The following RASSF5 variants were observed in gnomAD, a reference collection of about 807,000 sequenced individuals.
The protein encoded by RASSF5 is ras association domain-containing protein 5.
RASSF5 carries 25 observed loss-of-function variants against 40.5 expected under a neutral mutation model. That is an observed-to-expected ratio of 0.62 (90% CI 0.45 to 0.86). The LOEUF is 0.86. Ranked by LOEUF, RASSF5 falls within the 40% of genes least tolerant of loss-of-function variation. RASSF5 has a pLI of 0.00. For missense variants in RASSF5, 521 were observed against 572.8 expected (o/e 0.91, Z 0.92); for synonymous variants, 246 against 252.4 (o/e 0.97, Z 0.24).
At chr1:206,534,612 C>T (rs528157798) in intron 1 of RASSF5, among the ~76,000 whole-genome samples, 1 of 152,300 alleles carries the variant, frequency 6.6e-6, no homozygotes, top group Non-Finnish European at 1.5e-5. Context: ...CCCTCCCTGC[C>T]TGTTCTGGCT....
intron 2 of RASSF5, among the ~76,000 whole-genome samples, chr1:206,564,629 C>T (rs1468978344): frequency 6.6e-6 from 1 of 152,180 alleles, no homozygotes; most frequent in Non-Finnish European, 1.5e-5. Flanking sequence ...CTCTTCTGCT[C>T]TTCACTTACC....
chr1:206,529,072 A>G (rs981484954), intron 1 of RASSF5: 17 of 1,047,872 alleles, frequency 1.6e-5, no homozygotes, highest in Non-Finnish European at 1.8e-5. Flanking sequence ...TGCTTTGTGA[A>G]ATGGCCCTGC....
In RASSF5 at chr1:206,540,292, C is replaced by T. The variant is rs538877847; in HGVS notation, c.579+1999C>T. 2.6e-5 allele frequency among the ~76,000 whole-genome samples: 4 copies of T among 152,344 alleles called. No individual in the cohort carries two copies. In the East Asian group the frequency reaches 7.7e-4, roughly 29 times the overall value. ...GGGAAGGCCTGGAGTTGGCTGGATT[C>T]GTTGTCTCATCCTCCAAATGTCAGC... On this transcript the variant is annotated intron_variant, in intron 2 of 5. Transcript: ENST00000579436.
intron 2 of RASSF5, among the ~76,000 whole-genome samples, chr1:206,572,220 G>T (rs1553404322): frequency 6.6e-6 from 1 of 152,200 alleles, no homozygotes; most frequent in African/African-American, 2.4e-5. Context: ...TTCAACGCAT[G>T]AAGCCAATGT....
chr1:206,549,295 T>C (rs548126321), intron 2 of RASSF5, among the ~76,000 whole-genome samples: 2 of 152,294 alleles, frequency 1.3e-5, no homozygotes, highest in Non-Finnish European at 1.5e-5. Flanking sequence ...ATTTCAACTC[T>C]AGTGGTTTGA....
chr1:206,566,852 C>A (rs1452657508), intron 2 of RASSF5, among the ~76,000 whole-genome samples: 1 of 152,172 alleles, frequency 6.6e-6, no homozygotes, highest in Non-Finnish European at 1.5e-5. Context: ...GGACCAGGGA[C>A]CATAGCTTGT....
intron 1 of RASSF5, among the ~76,000 whole-genome samples, chr1:206,522,009 A>G (rs1558497400): frequency 6.6e-6 from 1 of 152,074 alleles, no homozygotes; most frequent in South Asian, 2.1e-4. Flanking sequence ...CTTAAACCCA[A>G]CTGCCTACAG....
chr1:206,529,436 G>C, intron 1 of RASSF5: 2 of 872,538 alleles, frequency 2.3e-6, no homozygotes, highest in Non-Finnish European at 3.8e-6. Context: ...GTCATAAAAT[G>C]GGGGTCCCTT....
Position 206,584,790 on chromosome 1 carries a change from G to A in RASSF5, c.988+106G>A, listed in dbSNP as rs1212963848. ...TGGGTGGGAGCTGTGGGCTTCTCCT[G>A]AGCACCAGGGGTCCAGCTGCCCATG... On this transcript the variant is annotated intron_variant, in intron 4 of 5. Transcript: ENST00000579436. The surrounding 1 kb of genome is among the most constrained non-coding windows in gnomAD (Gnocchi z 4.9). 1.2e-5 allele frequency: 14 copies of A among 1,216,442 alleles called. No individual in the cohort carries two copies. The highest frequency in any genetic ancestry group is 2.1e-5 in the Admixed American group (1 of 47,570). 75.4% of individuals were successfully genotyped at this position (1,216,442 alleles called of 1,614,324 possible). A position where few individuals can be genotyped will look rare whatever the true frequency, so the allele number is the denominator to read the frequency against.
At chr1:206,520,691 G>A (rs1192256898) in intron 1 of RASSF5, among the ~76,000 whole-genome samples, 1 of 151,864 alleles carries the variant, frequency 6.6e-6, no homozygotes, top group Non-Finnish European at 1.5e-5. Context: ...CTTTCTGGCT[G>A]TGGCTCCTCC....
intron 1 of RASSF5, among the ~76,000 whole-genome samples, chr1:206,512,968 A>G (rs1190899896): frequency 6.6e-6 from 1 of 152,164 alleles, no homozygotes; most frequent in Non-Finnish European, 1.5e-5. Flanking sequence ...AAAGGGAATT[A>G]CCTGGCCAGG....
At chr1:206,545,870 G>GT (rs1207071768) in intron 2 of RASSF5, among the ~76,000 whole-genome samples, 9 of 143,736 alleles carry the variant, frequency 6.3e-5, no homozygotes, top group South Asian at 2.2e-4. Flanking sequence ...GTTGGATCTT[G>GT]TTTTTTTTTA....
chr1:206,511,974 G>A (rs1393817450), intron 1 of RASSF5, among the ~76,000 whole-genome samples: 1 of 152,194 alleles, frequency 6.6e-6, no homozygotes, highest in African/African-American at 2.4e-5. Flanking sequence ...AGGCCTCTCA[G>A]AAATCATCCT....
intron 2 of RASSF5, among the ~76,000 whole-genome samples, chr1:206,551,331 C>G (rs12058254): frequency 0.035 from 5,402 of 152,270 alleles, 310 homozygotes; most frequent in African/African-American, 0.12. Context: ...ACCAGCCCAC[C>G]TATATCTGCC....
chr1:206,543,008 T>C (rs1667582821), intron 2 of RASSF5: 1 of 152,214 alleles, frequency 6.6e-6, no homozygotes, highest in Non-Finnish European at 1.5e-5. Context: ...GCCCAGGAGT[T>C]TGAGACCAGC....
chr1:206,529,396 T>C (rs1405995091), intron 1 of RASSF5: 8 of 762,906 alleles, frequency 1.0e-5, no homozygotes, highest in Admixed American at 1.9e-5. Flanking sequence ...GTGGATCCCA[T>C]TGAGCTGGTC....
Position 206,587,238 on chromosome 1 carries a change from G to T in RASSF5, c.*260G>T, listed in dbSNP as rs1443960439. The T allele has an allele frequency of 4.6e-6, 2 of 432,478 alleles. No homozygotes were observed. Among genetic ancestry groups the T allele is most frequent in the Non-Finnish European group, 8.6e-6 (2 of 232,844 alleles). 26.8% of individuals were successfully genotyped at this position (432,478 alleles called of 1,614,324 possible). On this transcript the variant is annotated 3_prime_UTR_variant, in exon 6 of 6. Transcript: ENST00000579436. ...AAACAAACAGCTGACGTCCTCTCTC[G>T]ATCTGCAAGCCTTTCACCAACCAAA...
chr1:206,539,684 T>G (rs1477475495), intron 2 of RASSF5, among the ~76,000 whole-genome samples: 1 of 152,138 alleles, frequency 6.6e-6, no homozygotes, highest in Non-Finnish European at 1.5e-5. Context: ...GGCCTTACCC[T>G]TAGCAGGAAC....
chr1:206,531,473 G>A lies in RASSF5; in HGVS notation c.458-6699G>A, dbSNP rs1264338720. Among the ~76,000 whole-genome samples the A allele has an allele frequency of 1.3e-5, 2 of 152,206 alleles. No homozygotes were observed. The highest frequency in any genetic ancestry group is 2.9e-5 in the Non-Finnish European group (2 of 68,040). On this transcript the variant is annotated intron_variant, in intron 1 of 5. Transcript: ENST00000579436. The surrounding 1 kb of genome is among the most constrained non-coding windows in gnomAD (Gnocchi z 4.7). ...TATCCTAGCTGGGGGAGCTGGCAGG[G>A]TAGAGGCTGCAGGGTGAGGGTGCAG...
Sources: gnomAD v4.1 joint callset for allele counts (sites outside exome capture counted in the v4.1 genomes callset) on GRCh38, gnomAD v4.1.1 for gene constraint, Gnocchi (gnomAD v3.1) non-coding constraint, MANE v1.5 for transcripts, NCBI Gene and HGNC (gene_info 2026-07-23, HGNC 2026-07-21) for gene names.